Variants in SLC17A1 observed in about 807,000 individuals in gnomAD.
The protein encoded by SLC17A1 is solute carrier family 17 member 1.
Under a neutral mutation model 53.5 loss-of-function variants are expected in SLC17A1, and 51 were observed. The observed-to-expected ratio is 0.95, with a 90% CI of 0.76 to 1.20. The LOEUF (loss-of-function observed/expected upper bound fraction) is 1.20, where lower values mean the gene tolerates loss of function less well. Among genes scored for constraint, SLC17A1 ranks in the 50% most tolerant of loss-of-function variants. SLC17A1 has a pLI of 0.00. For synonymous variants in SLC17A1, 179 were observed against 198.8 expected (o/e 0.90, Z 0.84); for missense variants, 538 against 568.2 (o/e 0.95, Z 0.54).
At chr6:25,801,133 A>G (rs1459272897) in intron 10 of SLC17A1, among the ~76,000 whole-genome samples, 153 bp from the exon 11 acceptor site, 11 of 152,358 alleles carry the variant, frequency 7.2e-5, no homozygotes, top group Non-Finnish European at 1.0e-4. Flanking sequence ...GTATATGAAT[A>G]TAGGCAACTT....
chr6:25,819,811 T>G lies in SLC17A1; in HGVS notation c.312A>C (p.Ile104=), dbSNP rs143996965. 9.3e-6 allele frequency: 15 copies of G among 1,614,012 alleles called. No individual in the cohort carries two copies. The African/African-American group carries it at 1.7e-4, about 19-fold the overall frequency. The change falls in exon 4 of 13, where the codon ATA becomes ATC. Residue 104 remains isoleucine (I), a synonymous_variant. Transcript: ENST00000244527. Reference sequence around the variant, plus strand: ...AGCCAATCATTTTCTTTGTAGAATATATTCCAGAGAAGTATCCAACAGGAA... The same window carrying G: ...AGCCAATCATTTTCTTTGTAGAATAGATTCCAGAGAAGTATCCAACAGGAA... The part of the protein sequence containing the change: ...IQVPVGYFSG[I]YSTKKMIGFA...
chr6:25,776,475 G>T, the SLC17A1 span: 5 of 1,187,954 alleles, frequency 4.2e-6, 1 homozygote, highest in South Asian at 5.1e-5. Context: ...CATGGAATTT[G>T]TATTAAAAGT....
intron 6 of SLC17A1, among the ~76,000 whole-genome samples, chr6:25,816,792 G>T (rs141454490): frequency 6.6e-6 from 1 of 151,978 alleles, no homozygotes; most frequent in Non-Finnish European, 1.5e-5. Flanking sequence ...GATTTGAGAA[G>T]AGTTAAGAAG....
chr6:25,779,182 C>T (rs1763178290), downstream of SLC17A1: 1 of 1,613,502 alleles, frequency 6.2e-7, no homozygotes, highest in Non-Finnish European at 8.5e-7. Flanking sequence ...CATTCACCCA[C>T]CTCTGAGCAA....
the SLC17A1 span, chr6:25,726,896 G>T: frequency 6.2e-7 from 1 of 1,606,750 alleles, no homozygotes; most frequent in South Asian, 1.1e-5. Flanking sequence ...CGCTGCAGAA[G>T]TGTGTGGTAG....
chr6:25,806,163 A>G (rs1313973643), intron 10 of SLC17A1, among the ~76,000 whole-genome samples: 2 of 152,112 alleles, frequency 1.3e-5, no homozygotes, highest in African/African-American at 4.8e-5. Context: ...CAGTGCATCA[A>G]ATAGATAGAA....
At position 25,800,981 on chromosome 6, in the gene SLC17A1, C is replaced by T. The variant is rs1198865686; in HGVS notation, c.1179-1G>A. ...ACATGCTTTAATAAATCCAAAATAT[C>T]TATGCATAAAAGAGTAATACACAAA... On this transcript the variant is annotated splice_acceptor_variant, in intron 10 of 12. Transcript: ENST00000244527. LOFTEE classifies it high-confidence loss of function. 2 of 1,511,224 alleles carry T rather than the reference C, an allele frequency of 1.3e-6. No homozygotes were observed. The highest frequency in any genetic ancestry group is 2.7e-5 in the African/African-American group (2 of 73,008). 93.6% of individuals were successfully genotyped at this position (1,511,224 alleles called of 1,614,324 possible).
intron 12 of SLC17A1, among the ~76,000 whole-genome samples, chr6:25,791,294 A>G (rs1037471410): frequency 6.6e-6 from 1 of 152,208 alleles, no homozygotes; most frequent in African/African-American, 2.4e-5. Flanking sequence ...CTGGAAGAAT[A>G]AACAGCTGAT....
chr6:25,739,147 A>G, the SLC17A1 span, among the ~76,000 whole-genome samples: 1 of 152,202 alleles, frequency 6.6e-6, no homozygotes, highest in Non-Finnish European at 1.5e-5. Flanking sequence ...TATTTCTCAC[A>G]GTTCTGAAAT....
intron 12 of SLC17A1, among the ~76,000 whole-genome samples, chr6:25,793,374 T>C (rs1254285801): frequency 6.6e-6 from 1 of 152,066 alleles, no homozygotes; most frequent in East Asian, 1.9e-4. Context: ...GAGAACAAAT[T>C]TTGCCCAGTA....
At chr6:25,770,010 A>C in the SLC17A1 span, 5 of 1,530,986 alleles carry the variant, frequency 3.3e-6, no homozygotes, top group East Asian at 1.1e-4. Flanking sequence ...AAGTCCTCAC[A>C]ATGAAAACTG....
Position 25,829,677 on chromosome 6 carries a change from G to C in SLC17A1, c.34+847C>G, listed in dbSNP as rs1317126412. ...TTAAGTTAAAAAGAAGACCACAGGG[G>C]GAATTCTAAAGTGTTTGGGATTGAG... is the stretch of plus-strand genomic sequence containing the variant. On this transcript the variant is annotated intron_variant, in intron 2 of 12. Transcript: ENST00000244527. 2.6e-5 allele frequency among the ~76,000 whole-genome samples: 4 copies of C among 152,030 alleles called. No homozygotes were observed. The East Asian group carries it at 7.7e-4, about 29-fold the overall frequency.
At chr6:25,731,258 A>C in the SLC17A1 span, among the ~76,000 whole-genome samples, 2 of 152,244 alleles carry the variant, frequency 1.3e-5, no homozygotes, top group Admixed American at 1.3e-4. Flanking sequence ...CGTAAAAAGC[A>C]CAAGAGATGC....
intron 12 of SLC17A1, among the ~76,000 whole-genome samples, chr6:25,784,233 A>G (rs78613522): frequency 0.014 from 2,063 of 152,312 alleles, 29 homozygotes; most frequent in Middle Eastern, 0.054. Context: ...GAACATATGT[A>G]TTCTCTTCAC....
the SLC17A1 span, among the ~76,000 whole-genome samples, chr6:25,760,178 C>A: frequency 6.6e-6 from 1 of 152,102 alleles, no homozygotes. Context: ...TTTTAATATC[C>A]ATGTCCTTGA....
chr6:25,726,081 G>C, the SLC17A1 span: 2 of 1,467,922 alleles, frequency 1.4e-6, no homozygotes, highest in Non-Finnish European at 1.8e-6. Context: ...TCTGAAAAGA[G>C]CCTTTTGTTT....
the SLC17A1 span, among the ~76,000 whole-genome samples, chr6:25,774,118 A>G: frequency 2.6e-5 from 4 of 152,208 alleles, no homozygotes; most frequent in Admixed American, 1.3e-4. Flanking sequence ...TAAGACATTA[A>G]TAGGACATAA....
At chr6:25,739,531 A>T in the SLC17A1 span, among the ~76,000 whole-genome samples, 17 of 152,186 alleles carry the variant, frequency 1.1e-4, no homozygotes, top group Non-Finnish European at 1.5e-5. Context: ...GCCTTAGAAC[A>T]ATTAAGATGT....
the SLC17A1 span, among the ~76,000 whole-genome samples, chr6:25,763,083 C>T: frequency 6.6e-6 from 1 of 152,184 alleles, no homozygotes; most frequent in East Asian, 1.9e-4. Context: ...GTGTCCCTTC[C>T]TCAGCCCACC....
Sources: gnomAD v4.1 joint callset for allele counts (sites outside exome capture counted in the v4.1 genomes callset) on GRCh38, gnomAD v4.1.1 for gene constraint, MANE v1.5 for transcripts, NCBI Gene and HGNC (gene_info 2026-07-23, HGNC 2026-07-21) for gene names.